The following OTOGL variants were observed in gnomAD, a reference collection of about 807,000 sequenced individuals.
OTOGL encodes the protein otogelin-like protein.
In OTOGL, 285 loss-of-function variants were observed where a neutral mutation model predicts 318.5. The observed-to-expected ratio is 0.89, with a 90% CI of 0.81 to 0.99. The LOEUF (loss-of-function observed/expected upper bound fraction) is 0.99. Ranked by LOEUF, OTOGL falls within the 50% of genes least tolerant of loss-of-function variation. OTOGL has a pLI of 0.00. For synonymous variants in OTOGL, 987 were observed against 936.5 expected (o/e 1.05, Z -0.99); for missense variants, 2,899 against 2,845.6 (o/e 1.02, Z -0.43).
Position 80,266,612 on chromosome 12 carries a change from C to T in OTOGL, c.2386C>T (p.Pro796Ser), listed in dbSNP as rs759309591. ...TGAAGACACTCTTAACTTTTGTGTA[C>T]CCATGTAAGTCGTAGAAACAGGTTG... ...FYEDTLNFCV[P>S]IFHCRCHYRG... Residue 796 changes from proline to serine, a missense_variant, in exon 21 of 59, where the codon CCC becomes TCC. Pro to Ser is a moderately conservative substitution (Grantham distance 74). Coordinates refer to ENST00000547103, the MANE Select transcript of OTOGL (RefSeq NM_001378609.3). 1.2e-6 allele frequency: 2 copies of T among 1,612,668 alleles called. No homozygotes were observed. Among genetic ancestry groups the T allele is most frequent in the South Asian group, 1.1e-5 (1 of 90,936 alleles).
rs569207502 is a variant in OTOGL at position 80,363,501 on chromosome 12, T to C, written c.6268-3073T>C. Among the ~76,000 whole-genome samples the C allele has an allele frequency of 1.2e-4, 18 of 151,604 alleles. No individual in the cohort carries two copies. The Admixed American group carries it at 1.2e-3, about 10-fold the overall frequency. ...AGGGCAAAATGAAAGACTGGCCTTT[T>C]GTAACAAGTTGAACAAATGTGTTGG... On this transcript the variant is annotated intron_variant, in intron 52 of 58. Transcript: ENST00000547103.
At chr12:80,283,034 G>T (rs1438090832) in intron 26 of OTOGL, among the ~76,000 whole-genome samples, 1 of 151,942 alleles carries the variant, frequency 6.6e-6, no homozygotes, top group African/African-American at 2.4e-5. Context: ...GTGGACATCT[G>T]TTTGTGGTTC....
At chr12:80,152,782 G>A (rs967431557) in intron 1 of OTOGL, among the ~76,000 whole-genome samples, 2 of 152,104 alleles carry the variant, frequency 1.3e-5, no homozygotes. Flanking sequence ...TCCACCTCCC[G>A]GGTTTAAAAG....
intron 38 of OTOGL, among the ~76,000 whole-genome samples, chr12:80,333,640 G>T (rs540376830): frequency 7.2e-5 from 11 of 152,130 alleles, no homozygotes; most frequent in African/African-American, 2.7e-4. Context: ...CAGAGTTTAC[G>T]TTCTATTGGA....
At chr12:80,317,974 G>A (rs1887078254) in intron 32 of OTOGL, among the ~76,000 whole-genome samples, 1 of 152,102 alleles carries the variant, frequency 6.6e-6, no homozygotes, top group African/African-American at 2.4e-5. Context: ...CTGCTCAATG[G>A]TGCTGTGTCC....
In OTOGL at chr12:80,353,370, C is replaced by A. The variant is rs146002269; in HGVS notation, c.5453C>A (p.Pro1818His). 133 of 1,600,458 alleles carry A rather than the reference C, an allele frequency of 8.3e-5. No homozygotes were observed. The African/African-American group carries it at 1.6e-3, about 19-fold the overall frequency. ...EGKEYQPCVR[P>H]CEARTCLNQW... Reference sequence around the variant, plus strand: ...AAGGAATATCAACCCTGTGTGCGACCTTGTGAAGCAAGAACATGCCTGAAC... The same window carrying A: ...AAGGAATATCAACCCTGTGTGCGACATTGTGAAGCAAGAACATGCCTGAAC... The change falls in exon 46 of 59, where the codon CCT becomes CAT. Residue 1818 changes from proline to histidine, a missense_variant. Around this residue, in one of 3 missense-constraint regions of OTOGL, gnomAD observed 2,607 missense variants for 2,524.9 expected, o/e 1.03. Transcript: ENST00000547103.
intron 52 of OTOGL, among the ~76,000 whole-genome samples, chr12:80,365,124 T>C (rs909173868): frequency 1.3e-5 from 2 of 152,064 alleles, no homozygotes; most frequent in African/African-American, 4.8e-5. Context: ...CATGGAGTTA[T>C]TATATAACAC....
chr12:80,257,948 G>T lies in OTOGL; in HGVS notation c.1835G>T (p.Arg612Ile). ...ATTCAGCTTACTAGCGCATGGAAAA[G>T]AAGAACATTAGGTCTGTGTGGCACT... The part of the protein sequence containing the change: ...IYIQLTSAWK[R>I]RTLGLCGTFN... Residue 612 changes from arginine to isoleucine, a missense_variant, in exon 18 of 59, where the codon AGA (arginine) becomes ATA (isoleucine). Coordinates refer to ENST00000547103, the MANE Select transcript of OTOGL (RefSeq NM_001378609.3). 1 of 1,598,038 alleles carries T rather than the reference G, an allele frequency of 6.3e-7. No individual in the cohort carries two copies. The highest frequency in any genetic ancestry group is 8.5e-7 in the Non-Finnish European group (1 of 1,179,174).
At chr12:80,232,846 G>A (rs1022209722) in intron 8 of OTOGL, 46 bp from the exon 9 acceptor site, 42 of 1,464,172 alleles carry the variant, frequency 2.9e-5, no homozygotes, top group Non-Finnish European at 3.8e-5. Context: ...ATCTGTAATT[G>A]AGACTTTATC....
intron 43 of OTOGL, 21 bp from the exon 44 acceptor site, chr12:80,341,923 TCTAA>T (rs750540811): frequency 1.2e-4 from 177 of 1,517,664 alleles, no homozygotes; most frequent in Non-Finnish European, 1.4e-4. Flanking sequence ...GTTTTTTTCT[TCTAA>T]CTGTCATATA....
At chr12:80,376,052 A>G (rs547797889) in intron 57 of OTOGL, among the ~76,000 whole-genome samples, 1 of 152,164 alleles carries the variant, frequency 6.6e-6, no homozygotes, top group South Asian at 2.1e-4. Flanking sequence ...CTTAAAGTAT[A>G]ATAATAATAA....
At chr12:80,210,775 T>G in intron 2 of OTOGL, 72 bp from the exon 3 acceptor site, 1 of 1,111,782 alleles carries the variant, frequency 9.0e-7, no homozygotes, top group Non-Finnish European at 1.2e-6. Flanking sequence ...AAATGTTCTT[T>G]TAAACAACTG....
At chr12:80,217,856 A>G (rs1446318988) in intron 5 of OTOGL, among the ~76,000 whole-genome samples, 192 bp downstream of exon 5, 2 of 152,250 alleles carry the variant, frequency 1.3e-5, no homozygotes, top group Non-Finnish European at 1.5e-5. Flanking sequence ...ACCAGGGCCA[A>G]ACATTTAGAC....
At chr12:80,144,770 T>G (rs866182257) in intron 1 of OTOGL, among the ~76,000 whole-genome samples, 1 of 152,174 alleles carries the variant, frequency 6.6e-6, no homozygotes, top group Non-Finnish European at 1.5e-5. Context: ...AGATGGTATC[T>G]CATTGTGGTT....
Position 80,358,341 on chromosome 12 carries a change from A to G in OTOGL, c.6113A>G (p.Tyr2038Cys), listed in dbSNP as rs751099861. 2 of 1,589,868 alleles carry G rather than the reference A, an allele frequency of 1.3e-6. No individual in the cohort carries two copies. Among genetic ancestry groups the G allele is most frequent in the East Asian group, 2.2e-5 (1 of 44,606 alleles). Residue 2038 changes from tyrosine to cysteine, a missense_variant, in exon 50 of 59, where the codon TAT (tyrosine) becomes TGT (cysteine). Tyr to Cys is a radical substitution (Grantham distance 194). Around this residue, in one of 3 missense-constraint regions of OTOGL, gnomAD observed 2,607 missense variants for 2,524.9 expected, o/e 1.03. Transcript: ENST00000547103. ...AGCACACACTTCTGTTGTCCTCAGT[A>G]TTACTGTGGTAAGTGTATATTAACT... ...LNSTHFCCPQYYCVCEPNLCP... is the reference protein window; with the variant it reads ...LNSTHFCCPQCYCVCEPNLCP...
chr12:80,291,517 T>G (rs1329516531), intron 26 of OTOGL, among the ~76,000 whole-genome samples: 1 of 152,232 alleles, frequency 6.6e-6, no homozygotes, highest in Non-Finnish European at 1.5e-5. Context: ...AATTTCTCTC[T>G]TCTTGAGGTT....
intron 1 of OTOGL, among the ~76,000 whole-genome samples, chr12:80,122,731 T>C (rs1019350087): frequency 6.6e-6 from 1 of 152,166 alleles, no homozygotes; most frequent in Non-Finnish European, 1.5e-5. Flanking sequence ...TGCTTCTTTA[T>C]GGAAACAGTA....
At chr12:80,282,595 A>T (rs1432037477) in intron 26 of OTOGL, among the ~76,000 whole-genome samples, 1 of 151,794 alleles carries the variant, frequency 6.6e-6, no homozygotes, top group Non-Finnish European at 1.5e-5. Context: ...CACACTAAAG[A>T]ATACATTCTC....
intron 4 of OTOGL, among the ~76,000 whole-genome samples, chr12:80,214,039 G>C (rs1877492091): frequency 6.6e-6 from 1 of 152,230 alleles, no homozygotes; most frequent in Non-Finnish European, 1.5e-5. Flanking sequence ...TCTAAAGACT[G>C]TATTTCCCTG....
Sources: allele counts gnomAD v4.1 joint callset (sites outside exome capture counted in the v4.1 genomes callset), GRCh38; gene constraint gnomAD v4.1.1; regional missense constraint gnomAD v4.1.1; transcripts MANE v1.5; gene names NCBI Gene and HGNC (gene_info 2026-07-23, HGNC 2026-07-21).